The following COL23A1 variants were observed in gnomAD, a reference collection of about 807,000 sequenced individuals.
COL23A1 encodes the protein collagen alpha-1(XXIII) chain.
Under a neutral mutation model 99.3 loss-of-function variants are expected in COL23A1, and 97 were observed. The observed-to-expected ratio is 0.98, with a 90% confidence interval of 0.83 to 1.16. COL23A1 has a LOEUF of 1.16. COL23A1 is among the 50% of genes most tolerant of loss of function. The pLI, the probability that COL23A1 is intolerant of heterozygous loss-of-function variation, is 0.00. For missense variants in COL23A1, 762 were observed against 757.4 expected (o/e 1.01, Z -0.07); for synonymous variants, 320 against 308.2 (o/e 1.04, Z -0.40).
chr5:178,414,040 A>G (rs1185019354), intron 2 of COL23A1, among the ~76,000 whole-genome samples: 1 of 152,184 alleles, frequency 6.6e-6, no homozygotes, highest in East Asian at 1.9e-4. Flanking sequence ...CTAGGACAGC[A>G]AGAGGGCACA....
At chr5:178,571,880 T>C (rs1026142695) in intron 1 of COL23A1, among the ~76,000 whole-genome samples, 4 of 151,970 alleles carry the variant, frequency 2.6e-5, no homozygotes, top group African/African-American at 9.7e-5. Context: ...CCATCCTGGC[T>C]AACACGGTGA....
chr5:178,573,815 A>C (rs1763221140), intron 1 of COL23A1, among the ~76,000 whole-genome samples: 1 of 152,092 alleles, frequency 6.6e-6, no homozygotes. Context: ...TATTTTAAGC[A>C]AAGGAACCAC....
At chr5:178,271,779 C>T (rs553408751) in intron 5 of COL23A1, among the ~76,000 whole-genome samples, 3 of 152,206 alleles carry the variant, frequency 2.0e-5, no homozygotes, top group Admixed American at 6.5e-5. Flanking sequence ...GCGACAGTAA[C>T]GTTGGGGTAT....
At chr5:178,407,990 G>A (rs770911954) in intron 2 of COL23A1, among the ~76,000 whole-genome samples, 4 of 152,120 alleles carry the variant, frequency 2.6e-5, no homozygotes, top group Non-Finnish European at 5.9e-5. Flanking sequence ...AAGATGCTGA[G>A]CAAACATCCA....
intron 2 of COL23A1, among the ~76,000 whole-genome samples, chr5:178,541,281 T>C (rs1204440561): frequency 6.6e-6 from 1 of 152,194 alleles, no homozygotes; most frequent in Non-Finnish European, 1.5e-5. Context: ...GGTGGGACTA[T>C]CACCCTCTTT....
intron 1 of COL23A1, among the ~76,000 whole-genome samples, chr5:178,579,536 C>T (rs1413237155): frequency 1.3e-5 from 2 of 152,078 alleles, no homozygotes; most frequent in Non-Finnish European, 2.9e-5. Context: ...TCACTACAAC[C>T]TCTGCCTCCC....
chr5:178,537,448 T>C (rs1369754051), intron 2 of COL23A1, among the ~76,000 whole-genome samples: 1 of 152,216 alleles, frequency 6.6e-6, no homozygotes, highest in South Asian at 2.1e-4. Flanking sequence ...TCCTGGGTCA[T>C]AGAACTAGTA....
chr5:178,344,817 G>T, intron 2 of COL23A1: 1 of 646,828 alleles, frequency 1.5e-6, no homozygotes, highest in Non-Finnish European at 2.8e-6. Flanking sequence ...GATCACTGTA[G>T]CTCAGGCCCA....
At chr5:178,458,060 A>G (rs915292892) in intron 2 of COL23A1, among the ~76,000 whole-genome samples, 2 of 152,258 alleles carry the variant, frequency 1.3e-5, no homozygotes, top group African/African-American at 2.4e-5. Context: ...CAAAGAAACT[A>G]CCAGGGACAA....
At chr5:178,430,390 T>G (rs1228373297) in intron 2 of COL23A1, among the ~76,000 whole-genome samples, 3 of 152,164 alleles carry the variant, frequency 2.0e-5, no homozygotes, top group Non-Finnish European at 2.9e-5. Context: ...TGGCACCAGT[T>G]GCACAATTCC....
At chr5:178,462,242 C>T (rs961913364) in intron 2 of COL23A1, among the ~76,000 whole-genome samples, 4 of 152,302 alleles carry the variant, frequency 2.6e-5, no homozygotes, top group African/African-American at 7.2e-5. Context: ...GAGGTTCCCC[C>T]CCACCCAGCA....
intron 2 of COL23A1, chr5:178,344,813 T>C (rs1760869281): frequency 1.4e-5 from 9 of 631,596 alleles, no homozygotes; most frequent in Non-Finnish European, 2.6e-5. Context: ...TTAAGATCAC[T>C]GTAGCTCAGG....
intron 18 of COL23A1, 118 bp from the exon 19 acceptor site, chr5:178,249,324 A>C (rs1581447002): frequency 6.8e-5 from 64 of 939,742 alleles, no homozygotes; most frequent in East Asian, 1.2e-4. Context: ...GTGGGTCCCC[A>C]CCTCCAGCCA....
rs146480996 is a variant in COL23A1 at position 178,370,434 on chromosome 5, A to T, written c.362-63515T>A. Among the ~76,000 whole-genome samples, 154 of 152,262 alleles carry T rather than the reference A, an allele frequency of 1.0e-3. 1 individual carries two copies. Among genetic ancestry groups the T allele is most frequent in the African/African-American group, 3.6e-3 (149 of 41,540 alleles). ...GGCACAGAAAGACAAACACCACATG[A>T]TCTCACTGATATGTGGAATCTAAAA... On this transcript the variant is annotated intron_variant, in intron 2 of 28. Coordinates refer to ENST00000390654, the MANE Select transcript of COL23A1 (RefSeq NM_173465.4).
intron 2 of COL23A1, among the ~76,000 whole-genome samples, chr5:178,374,526 C>T (rs1195917231): frequency 1.3e-5 from 2 of 152,226 alleles, no homozygotes; most frequent in African/African-American, 2.4e-5. Flanking sequence ...CATTCCAGCT[C>T]TGCCACCTGT....
intron 2 of COL23A1, among the ~76,000 whole-genome samples, chr5:178,467,643 C>T (rs182525676): frequency 2.5e-3 from 378 of 152,308 alleles, no homozygotes; most frequent in Non-Finnish European, 4.1e-3. Context: ...GTTGCCAAAT[C>T]CCCACCCCAC....
At chr5:178,499,357 A>G (rs1758401873) in intron 2 of COL23A1, among the ~76,000 whole-genome samples, 1 of 152,196 alleles carries the variant, frequency 6.6e-6, no homozygotes, top group African/African-American at 2.4e-5. Context: ...ACGTTGCCCC[A>G]CCAGATGACT....
chr5:178,263,135 G>T, intron 9 of COL23A1, 73 bp downstream of exon 9: 1 of 1,073,656 alleles, frequency 9.3e-7, no homozygotes, highest in South Asian at 1.2e-5. Context: ...GGATGGGGAT[G>T]GGGCTGGCTC....
intron 8 of COL23A1, among the ~76,000 whole-genome samples, chr5:178,266,121 A>T (rs1290945652): frequency 6.6e-6 from 1 of 151,950 alleles, no homozygotes; most frequent in Non-Finnish European, 1.5e-5. Flanking sequence ...TCTCACTGCA[A>T]CCTCTGCCTC....
Sources: allele counts gnomAD v4.1 joint callset (sites outside exome capture counted in the v4.1 genomes callset), GRCh38; gene constraint gnomAD v4.1.1; transcripts MANE v1.5; gene names NCBI Gene and HGNC (gene_info 2026-07-23, HGNC 2026-07-21).